RPL26L1: variants seen among roughly 807,000 people sequenced by gnomAD.
The protein encoded by RPL26L1 is ribosomal protein L26 like 1, also known as ribosomal protein uL24-like.
A neutral mutation model predicts 15.2 loss-of-function variants in RPL26L1; 8 were observed. The observed-to-expected ratio is 0.53, with a 90% CI of 0.31 to 0.95. The LOEUF is 0.95. Among genes scored for constraint, RPL26L1 ranks in the 40% least tolerant of loss-of-function variants. RPL26L1 has a pLI of 0.05. For missense variants in RPL26L1, 146 were observed against 190.9 expected (o/e 0.76, Z 1.39); for synonymous variants, 51 against 65.9 (o/e 0.77, Z 1.09).
At chr5:172,962,535 C>T (rs1458453315) in intron 2 of RPL26L1, among the ~76,000 whole-genome samples, 1 of 144,032 alleles carries the variant, frequency 6.9e-6, no homozygotes, top group Non-Finnish European at 1.5e-5. Flanking sequence ...CAACAAAAAA[C>T]GGCCAGGCAC....
At chr5:172,954,812 C>A, upstream of RPL26L1, 1 of 393,462 alleles carries the variant, frequency 2.5e-6, no homozygotes, top group Non-Finnish European at 5.1e-6. Flanking sequence ...TTTATTATTT[C>A]TCCTTTCAAT....
At chr5:172,963,202 A>AC (rs911461781) in intron 2 of RPL26L1, among the ~76,000 whole-genome samples, 16 of 151,910 alleles carry the variant, frequency 1.1e-4, no homozygotes, top group African/African-American at 3.4e-4. Context: ...ACATGGTGAA[A>AC]CCCCACCTCT....
rs905910534 is a variant in RPL26L1, at chr5:172,968,732, T to C, written c.309+133T>C. The C allele has an allele frequency of 4.4e-6, 4 of 908,780 alleles. No individual in the cohort carries two copies. In the African/African-American group the frequency reaches 6.7e-5, roughly 15 times the overall value. 56.3% of individuals were successfully genotyped at this position (908,780 alleles called of 1,614,324 possible). Reference sequence around the variant, plus strand: ...GGACTTGATTGATTCAGTAGCTTTGTGATATCATCAAGGATCCAGATTTTT... The same window carrying C: ...GGACTTGATTGATTCAGTAGCTTTGCGATATCATCAAGGATCCAGATTTTT... On this transcript the variant is annotated intron_variant, in intron 3 of 3. Coordinates refer to ENST00000265100, the MANE Select transcript of RPL26L1 (RefSeq NM_016093.4).
chr5:172,960,531 G>A (rs7722536), intron 2 of RPL26L1, among the ~76,000 whole-genome samples: 117,924 of 152,074 alleles, frequency 0.78, 46,662 homozygotes, highest in Non-Finnish European at 0.85. Flanking sequence ...GTGTTTTAGT[G>A]TATTTGGGTG....
At chr5:172,956,938 G>GAA (rs552172463), upstream of RPL26L1, 192 of 222,224 alleles carry the variant, frequency 8.6e-4, no homozygotes, top group Middle Eastern at 1.8e-3. Flanking sequence ...ACTCTATCTC[G>GAA]AAAAAAAAAA....
chr5:172,964,277 T>C (rs941346261), intron 2 of RPL26L1, among the ~76,000 whole-genome samples: 1 of 104,418 alleles, frequency 9.6e-6, no homozygotes, highest in African/African-American at 3.2e-5. Flanking sequence ...GTCTGGCCTG[T>C]TGCCTTTTTT....
chr5:172,959,503 C>G, intron 1 of RPL26L1, 35 bp downstream of exon 1: 1 of 1,049,304 alleles, frequency 9.5e-7, no homozygotes, highest in Non-Finnish European at 1.2e-6. Flanking sequence ...GGACAGTGAA[C>G]TCTACCGCCC....
At position 172,967,934 on chromosome 5, in the gene RPL26L1, T is replaced by C. The variant is rs572053126; in HGVS notation, c.169-525T>C. On this transcript the variant is annotated intron_variant, in intron 2 of 3. Coordinates refer to ENST00000265100, the MANE Select transcript of RPL26L1 (RefSeq NM_016093.4). Reference sequence around the variant, plus strand: ...ATATACGCACATATGTAATATATATTATATATATACACACACACATACACT... The same window carrying C: ...ATATACGCACATATGTAATATATATCATATATATACACACACACATACACT... Among the ~76,000 whole-genome samples, 6 of 151,652 alleles carry C rather than the reference T, an allele frequency of 4.0e-5. No homozygotes were observed. The East Asian group carries it at 7.7e-4, about 20-fold the overall frequency.
intron 2 of RPL26L1, among the ~76,000 whole-genome samples, chr5:172,960,927 G>A (rs1029432830): frequency 8.6e-5 from 12 of 138,902 alleles, no homozygotes; most frequent in Middle Eastern, 3.5e-3. Flanking sequence ...GGGGGTGGGG[G>A]CTGTCCTGTG....
upstream of RPL26L1, among the ~76,000 whole-genome samples, chr5:172,956,733 T>C (rs995891848): frequency 1.3e-4 from 20 of 150,864 alleles, no homozygotes; most frequent in African/African-American, 4.9e-4. Context: ...AGGTCATGAG[T>C]TCAAGACCAG....
chr5:172,955,024 G>A (rs1226141903), upstream of RPL26L1: 1 of 455,892 alleles, frequency 2.2e-6, no homozygotes, highest in Non-Finnish European at 4.4e-6. Context: ...AAGCTGAAGT[G>A]TTGCAAACAA....
intron 1 of RPL26L1, 45 bp downstream of exon 1, chr5:172,959,513 C>T: frequency 1.9e-6 from 2 of 1,078,870 alleles, no homozygotes; most frequent in Non-Finnish European, 2.3e-6. Context: ...CTCTACCGCC[C>T]CGTGAGACCC....
intron 2 of RPL26L1, among the ~76,000 whole-genome samples, chr5:172,966,344 T>G (rs925057409): frequency 1.5e-4 from 20 of 137,776 alleles, no homozygotes; most frequent in African/African-American, 5.7e-4. Context: ...TTTTTTTTTG[T>G]AGAGACGGGG....
At chr5:172,959,820 AC>A (rs1167724280) in intron 1 of RPL26L1, 44 bp from the exon 2 acceptor site, 19 of 1,595,850 alleles carry the variant, frequency 1.2e-5, no homozygotes, top group Middle Eastern at 1.7e-4. Flanking sequence ...GGCCCCTGTA[AC>A]CCACTGAGCG....
chr5:172,959,301 TC>T (rs1755120393), upstream of RPL26L1: 1 of 938,580 alleles, frequency 1.1e-6, no homozygotes, highest in Non-Finnish European at 1.3e-6. Flanking sequence ...GGCATCGCCC[TC>T]CCGGGGCCGC....
chr5:172,961,642 C>T (rs187671631), intron 2 of RPL26L1, among the ~76,000 whole-genome samples: 60 of 152,328 alleles, frequency 3.9e-4, no homozygotes, highest in African/African-American at 9.4e-4. Context: ...CCTACTTTGA[C>T]GTAGATCACT....
chr5:172,963,289 G>A (rs1473284913), intron 2 of RPL26L1, among the ~76,000 whole-genome samples: 1 of 151,456 alleles, frequency 6.6e-6, no homozygotes, highest in Non-Finnish European at 1.5e-5. Flanking sequence ...CAGGGGAATC[G>A]CTTTAACCTA....
At chr5:172,960,139 A>G in intron 2 of RPL26L1, 98 bp downstream of exon 2, 2 of 1,423,100 alleles carry the variant, frequency 1.4e-6, no homozygotes, top group Non-Finnish European at 9.8e-7. Flanking sequence ...GACTCTGGAA[A>G]GTAGTGTGAC....
intron 1 of RPL26L1, 47 bp downstream of exon 1, chr5:172,959,515 G>C (rs1311018797): frequency 4.1e-5 from 44 of 1,077,044 alleles, no homozygotes; most frequent in Non-Finnish European, 4.9e-5. Flanking sequence ...CTACCGCCCC[G>C]TGAGACCCTG....
Sources: gnomAD v4.1 joint callset for allele counts (sites outside exome capture counted in the v4.1 genomes callset) on GRCh38, gnomAD v4.1.1 for gene constraint, MANE v1.5 for transcripts, NCBI Gene and HGNC (gene_info 2026-07-23, HGNC 2026-07-21) for gene names.